DOP1A: variants seen among roughly 807,000 people sequenced by gnomAD.
The protein encoded by DOP1A is DOP1 leucine zipper like protein A.
A neutral mutation model predicts 267.6 loss-of-function variants in DOP1A; 90 were observed. The ratio of observed to expected loss-of-function variants is 0.34; its 90% CI spans 0.28 to 0.40. The LOEUF (loss-of-function observed/expected upper bound fraction) is 0.40, where lower values mean the gene tolerates loss of function less well. Among genes scored for constraint, DOP1A ranks in the 10% least tolerant of loss-of-function variants. The pLI is 1.00. For synonymous variants in DOP1A, 932 were observed against 999.1 expected, an observed-to-expected ratio of 0.93 and a Z score of 1.27; for missense variants, 2,437 against 2,900.4, an observed-to-expected ratio of 0.84 and a Z score of 3.67.
At chr6:83,094,102 C>G (rs2128108569) in intron 1 of DOP1A, among the ~76,000 whole-genome samples, 1 of 152,204 alleles carries the variant, frequency 6.6e-6, no homozygotes, top group East Asian at 1.9e-4. Context: ...TCTAATCAAC[C>G]ACTAATTTAC....
chr6:83,113,046 ATGGTGTT>A (rs1329822140), intron 6 of DOP1A, among the ~76,000 whole-genome samples: 2 of 150,742 alleles, frequency 1.3e-5, no homozygotes, highest in Non-Finnish European at 2.9e-5. Flanking sequence ...ATATATATAT[ATGGTGTT>A]TTTCTTGTAT....
Position 83,129,179 on chromosome 6 carries a change from A to C in DOP1A, c.2012A>C (p.Lys671Thr). The C allele has an allele frequency of 6.2e-7, 1 of 1,613,102 alleles. No homozygotes were observed. Among genetic ancestry groups the C allele is most frequent in the Non-Finnish European group, 8.5e-7 (1 of 1,179,510 alleles). The change falls in exon 16 of 39, where the codon AAG becomes ACG. Residue 671 changes from lysine (K) to threonine (T), a missense_variant. Physicochemically the swap from Lys to Thr is moderately conservative, Grantham distance 78 (BLOSUM62 -1). This residue lies in a region of DOP1A where 498 missense variants were observed against 513.5 expected (regional missense o/e 0.97). Transcript: ENST00000349129. ...ACCCGAAGTAGGAAGACAGCCCAAA[A>C]GACTGCAATGCAGTGCTGCTTGGAG... is the stretch of plus-strand genomic sequence containing the variant. ...TATRSRKTAQ[K>T]TAMQCCLEYV...
intron 4 of DOP1A, among the ~76,000 whole-genome samples, chr6:83,107,205 T>C (rs1773770361): frequency 6.6e-6 from 1 of 152,094 alleles, no homozygotes; most frequent in African/African-American, 2.4e-5. Flanking sequence ...TGTGAGTACA[T>C]TTGTATTAAA....
intron 13 of DOP1A, 124 bp from the exon 14 acceptor site, chr6:83,125,042 A>C: frequency 1.1e-6 from 1 of 940,030 alleles, no homozygotes; most frequent in Non-Finnish European, 1.6e-6. Flanking sequence ...TAAAATCTTA[A>C]CTGTTTAGTG....
chr6:83,103,905 A>C (rs1370596456), intron 4 of DOP1A, among the ~76,000 whole-genome samples: 1 of 152,132 alleles, frequency 6.6e-6, no homozygotes, highest in African/African-American at 2.4e-5. Flanking sequence ...TTCTAGTGAA[A>C]ACCCCTACTA....
chr6:83,072,317 A>C lies in DOP1A; in HGVS notation c.-147+4538A>C, dbSNP rs895015826. Among the ~76,000 whole-genome samples the C allele has an allele frequency of 2.0e-5, 3 of 152,182 alleles. No individual in the cohort carries two copies. In the East Asian group the frequency reaches 5.8e-4, roughly 29 times the overall value. ...CATTTGGTGTTAACGGTTTCCAAAA[A>C]AAAAAAATTAACCTGAGTGGTGATA... On this transcript the variant is annotated intron_variant, in intron 1 of 38. Coordinates refer to ENST00000349129, the MANE Select transcript of DOP1A (RefSeq NM_015018.4).
intron 12 of DOP1A, among the ~76,000 whole-genome samples, chr6:83,123,484 C>A (rs563748291): frequency 6.6e-6 from 1 of 152,036 alleles, no homozygotes; most frequent in East Asian, 1.9e-4. Context: ...TGAGTGGAAT[C>A]TCTGTCTGGC....
intron 4 of DOP1A, among the ~76,000 whole-genome samples, chr6:83,106,203 C>G (rs936803455): frequency 6.6e-6 from 1 of 152,066 alleles, no homozygotes; most frequent in Non-Finnish European, 1.5e-5. Context: ...AAGCTTATTT[C>G]TTTTTAATGT....
intron 31 of DOP1A, 99 bp from the exon 32 acceptor site, chr6:83,153,795 T>C (rs778385267): frequency 5.8e-5 from 76 of 1,307,226 alleles, no homozygotes; most frequent in Non-Finnish European, 6.8e-5. Context: ...TTTCATATCT[T>C]CATGTCACTG....
chr6:83,106,023 C>T (rs575036853), intron 4 of DOP1A, among the ~76,000 whole-genome samples: 4 of 152,038 alleles, frequency 2.6e-5, no homozygotes, highest in African/African-American at 9.7e-5. Flanking sequence ...TTGTTCTATA[C>T]TTTTTTGAAG....
chr6:83,079,535 A>G (rs768699562), intron 1 of DOP1A, among the ~76,000 whole-genome samples: 1 of 152,108 alleles, frequency 6.6e-6, no homozygotes, highest in Non-Finnish European at 1.5e-5. Context: ...TTATGTAAAA[A>G]CCAGTCTTTA....
chr6:83,168,676 A>G (rs996251700), downstream of DOP1A: 1 of 995,026 alleles, frequency 1.0e-6, no homozygotes, highest in African/African-American at 1.7e-5. Context: ...GTATTGCATG[A>G]GCATCTCCAC....
chr6:83,140,725 C>T (rs759498173), intron 23 of DOP1A, among the ~76,000 whole-genome samples: 8 of 152,082 alleles, frequency 5.3e-5, no homozygotes, highest in Non-Finnish European at 1.0e-4. Context: ...CAATCAACCA[C>T]GAATCTATTC....
Position 83,138,813 on chromosome 6 carries a change from G to T in DOP1A, c.4771G>T (p.Val1591Phe), listed in dbSNP as rs1448096935. Residue 1591 changes from valine to phenylalanine, a missense_variant, in exon 21 of 39, where the codon GTT (valine) becomes TTT (phenylalanine). Physicochemically the swap from Val to Phe is conservative, Grantham distance 50. Coordinates refer to ENST00000349129, the MANE Select transcript of DOP1A (RefSeq NM_015018.4). Reference sequence around the variant, plus strand: ...TCTTAAGGTGCTTCAGAGGCTGATTGTTCTAGAACACAGAGTAATGACTAT... The same window carrying T: ...TCTTAAGGTGCTTCAGAGGCTGATTTTTCTAGAACACAGAGTAATGACTAT... ...QLLKVLQRLI[V>F]LEHRVMTIPE... is the part of the protein sequence containing the mutation. 3.1e-6 allele frequency: 5 copies of T among 1,614,028 alleles called. No individual in the cohort carries two copies. The East Asian group carries it at 6.7e-5, about 22-fold the overall frequency.
chr6:83,142,033 C>T lies in DOP1A; in HGVS notation c.5528C>T (p.Thr1843Ile), dbSNP rs111769847. ...VWNERRQNKT[T>I]TRTKVIPAAS... ...AATGAAAGAAGACAGAATAAAACAA[C>T]CACCAGGACCAAGGTATGTATTTAG... The change falls in exon 24 of 39, where the codon ACC (threonine) becomes ATC (isoleucine). Residue 1843 changes from threonine (T) to isoleucine (I), a missense_variant. Transcript: ENST00000349129. 29 of 1,611,648 alleles carry T rather than the reference C, an allele frequency of 1.8e-5. No homozygotes were observed. The East Asian group carries it at 6.0e-4, about 33-fold the overall frequency.
chr6:83,131,044 A>G (rs1241352546), intron 17 of DOP1A, among the ~76,000 whole-genome samples: 3 of 152,112 alleles, frequency 2.0e-5, no homozygotes, highest in Non-Finnish European at 4.4e-5. Context: ...CTTTTCATAC[A>G]GTAAAACCTC....
Position 83,137,460 on chromosome 6 carries a change from C to A in DOP1A, c.3418C>A (p.Pro1140Thr). The A allele has an allele frequency of 1.9e-6, 3 of 1,613,718 alleles. No individual in the cohort carries two copies. The highest frequency in any genetic ancestry group is 1.7e-5 in the Admixed American group (1 of 59,940). Residue 1140 changes from proline to threonine, a missense_variant, in exon 21 of 39, where the codon CCC (proline) becomes ACC (threonine). Around this residue, in one of 9 missense-constraint regions of DOP1A, gnomAD observed 878 missense variants for 992.9 expected, o/e 0.88. Transcript: ENST00000349129. The part of the protein sequence containing the change: ...TVNAQEDSQM[P>T]KESSPDDDVQ... ...GAATGCCCAAGAGGATTCTCAAATG[C>A]CCAAGGAAAGCTCCCCAGATGATGA... is the stretch of plus-strand genomic sequence containing the variant.
At chr6:83,132,594 A>G (rs945224028) in intron 18 of DOP1A, among the ~76,000 whole-genome samples, 3 of 152,172 alleles carry the variant, frequency 2.0e-5, no homozygotes, top group African/African-American at 7.2e-5. Context: ...AGACACAGTT[A>G]TGGGAACTGA....
Position 83,122,013 on chromosome 6 carries a change from G to C in DOP1A, c.1183G>C (p.Glu395Gln). 6.2e-7 allele frequency: 1 copy of C among 1,611,506 alleles called. No homozygotes were observed. The highest frequency in any genetic ancestry group is 8.5e-7 in the Non-Finnish European group (1 of 1,178,146). The part of the protein sequence containing the change: ...QCKAELDLQT[E>Q]PPFSKDHAQL... ...CAAAGCAGAGTTGGATCTTCAAACT[G>C]AACCACCCTTCAGCAAGGATCATGC... Residue 395 changes from glutamate (E) to glutamine (Q), a missense_variant, in exon 11 of 39, where the codon GAA (glutamate) becomes CAA (glutamine). Physicochemically the swap from Glu to Gln is conservative, Grantham distance 29. This residue lies in a region of DOP1A where 498 missense variants were observed against 513.5 expected (regional missense o/e 0.97). Coordinates refer to ENST00000349129, the MANE Select transcript of DOP1A (RefSeq NM_015018.4).
Sources: gnomAD v4.1 joint callset for allele counts (sites outside exome capture counted in the v4.1 genomes callset) on GRCh38, gnomAD v4.1.1 for gene constraint, gnomAD v4.1.1 regional missense constraint, MANE v1.5 for transcripts, NCBI Gene and HGNC (gene_info 2026-07-23, HGNC 2026-07-21) for gene names.